The following PEX14 variants were observed in gnomAD, a reference collection of about 807,000 sequenced individuals.
PEX14 encodes peroxisomal biogenesis factor 14.
In PEX14, 15 loss-of-function variants were observed where a neutral mutation model predicts 49.5. The observed-to-expected ratio is 0.30, with a 90% CI of 0.20 to 0.47. PEX14 has a LOEUF of 0.47. PEX14 is among the 20% of genes least tolerant of loss of function. The probability of loss-of-function intolerance (pLI) is 1.00; values close to 1 mark genes in which losing one functional copy is unlikely to be tolerated. For missense variants in PEX14, 398 were observed against 494.8 expected (o/e 0.80, Z 1.86); for synonymous variants, 210 against 212.7 (o/e 0.99, Z 0.11).
At chr1:10,517,482 G>C (rs927322684) in intron 2 of PEX14, among the ~76,000 whole-genome samples, 3 of 151,990 alleles carry the variant, frequency 2.0e-5, no homozygotes, top group Admixed American at 2.0e-4. Flanking sequence ...TGTAATTATA[G>C]GTGCTAGAAA....
chr1:10,610,808 A>G (rs900638048), intron 4 of PEX14, among the ~76,000 whole-genome samples: 6 of 152,026 alleles, frequency 3.9e-5, no homozygotes, highest in East Asian at 3.9e-4. Flanking sequence ...TTAAATGGGT[A>G]TATTTTAGAC....
intron 1 of PEX14, among the ~76,000 whole-genome samples, chr1:10,485,494 A>C (rs1274248097): frequency 6.7e-6 from 1 of 149,968 alleles, no homozygotes; most frequent in Admixed American, 6.6e-5. Context: ...TATTTTTTGA[A>C]TTTTTGTAGC....
chr1:10,500,732 G>A (rs995082582), intron 2 of PEX14, among the ~76,000 whole-genome samples: 4 of 152,064 alleles, frequency 2.6e-5, no homozygotes, highest in Admixed American at 6.5e-5. Flanking sequence ...GCACCACCAC[G>A]GCCAGCTAAT....
At chr1:10,599,518 C>CACATTGT in intron 4 of PEX14, 152 bp downstream of exon 4, 1 of 859,246 alleles carries the variant, frequency 1.2e-6, no homozygotes, top group Non-Finnish European at 2.0e-6. Flanking sequence ...TGTGACACAC[C>CACATTGT]CCAGTCTTCT....
intron 3 of PEX14, among the ~76,000 whole-genome samples, chr1:10,585,987 A>G (rs1486370287): frequency 1.3e-5 from 2 of 152,254 alleles, no homozygotes; most frequent in Non-Finnish European, 2.9e-5. Context: ...CAAAATAGTT[A>G]CACACCTAAC....
At chr1:10,598,879 C>T (rs921277223) in intron 3 of PEX14, among the ~76,000 whole-genome samples, 3 of 131,686 alleles carry the variant, frequency 2.3e-5, no homozygotes, top group South Asian at 2.8e-4. Context: ...TTTTTCCCCT[C>T]TTTTTTTTTT....
Position 10,573,476 on chromosome 1 carries a change from C to T in PEX14, c.170-25762C>T, listed in dbSNP as rs140400381. Among the ~76,000 whole-genome samples the T allele has an allele frequency of 1.1e-3, 175 of 152,174 alleles. 1 individual carries two copies. The highest frequency in any genetic ancestry group is 4.0e-3 in the African/African-American group (166 of 41,518). On this transcript the variant is annotated intron_variant, in intron 3 of 8. Transcript: ENST00000356607. The stretch of plus-strand genomic sequence containing the variant: ...ACTTTATTAAGGAGCATTTCCAGAG[C>T]GTTAATAATCATATAAAAAGATGCC...
chr1:10,618,194 T>C (rs1210363688), intron 4 of PEX14, 138 bp from the exon 5 acceptor site: 2 of 684,344 alleles, frequency 2.9e-6, no homozygotes, highest in Non-Finnish European at 5.3e-6. Flanking sequence ...GATCATGTGC[T>C]GCCTTCCTGC....
At chr1:10,500,373 CAAAA>C (rs750781683) in intron 2 of PEX14, among the ~76,000 whole-genome samples, 2,000 of 43,472 alleles carry the variant, frequency 0.046, 24 homozygotes, top group African/African-American at 0.18. Flanking sequence ...GATTCTGTCT[CAAAA>C]AAAAAAAAAA....
rs1641522518 is a variant in PEX14 at position 10,494,488 on chromosome 1, G to T, written c.37-786G>T. ...AGATTTGTAAATTTCTTCAGAATCT[G>T]TCTCTACCTCTGCCTCTCCCTTTCT... On this transcript the variant is annotated intron_variant, in intron 1 of 8. Transcript: ENST00000356607. The surrounding 1 kb of genome is among the most constrained non-coding windows in gnomAD (Gnocchi z 4.3). 6.6e-6 allele frequency among the ~76,000 whole-genome samples: 1 copy of T among 152,208 alleles called. No individual in the cohort carries two copies. The highest frequency in any genetic ancestry group is 2.1e-4 in the South Asian group (1 of 4,838).
At chr1:10,536,431 G>A (rs925859437) in intron 3 of PEX14, 134 bp downstream of exon 3, 22 of 711,114 alleles carry the variant, frequency 3.1e-5, no homozygotes, top group Middle Eastern at 3.6e-4. Flanking sequence ...CAGTGGGGCT[G>A]AGGCGAACCC....
rs1459407738 is a variant in PEX14, at chr1:10,628,343, G to T, written c.677+980G>T. Among the ~76,000 whole-genome samples, 2 of 152,258 alleles carry T rather than the reference G, an allele frequency of 1.3e-5. No individual in the cohort carries two copies. The highest frequency in any genetic ancestry group is 2.1e-4 in the South Asian group (1 of 4,836). The stretch of plus-strand genomic sequence containing the variant: ...GATGCCCTAGTGGGCCTTGCATGGG[G>T]TGTCCTTGTTTCCCTGCTGGGCTGG... On this transcript the variant is annotated intron_variant, in intron 8 of 8. Transcript: ENST00000356607. The surrounding 1 kb of genome is among the most constrained non-coding windows in gnomAD (Gnocchi z 4.5).
At chr1:10,501,775 A>G (rs1641685365) in intron 2 of PEX14, among the ~76,000 whole-genome samples, 1 of 152,152 alleles carries the variant, frequency 6.6e-6, no homozygotes, top group Non-Finnish European at 1.5e-5. Flanking sequence ...AAATTTAGCC[A>G]GATGTGGTGG....
rs552331154 is a variant in PEX14, at chr1:10,628,709, C to T, written c.678-822C>T. Among the ~76,000 whole-genome samples, 8 of 152,194 alleles carry T rather than the reference C, an allele frequency of 5.3e-5. No individual in the cohort carries two copies. Among genetic ancestry groups the T allele is most frequent in the Non-Finnish European group, 1.0e-4 (7 of 68,040 alleles). On this transcript the variant is annotated intron_variant, in intron 8 of 8. Transcript: ENST00000356607. This position sits in a 1 kb window ranked among gnomAD's most constrained non-coding sequence, Gnocchi z 4.5. ...TAGGATGCTGGTGAATAAAGCAGGC[C>T]GTGGTGTGTGCCCCACTCAAGTGGG...
At chr1:10,485,940 T>C (rs1027401945) in intron 1 of PEX14, among the ~76,000 whole-genome samples, 2 of 152,042 alleles carry the variant, frequency 1.3e-5, no homozygotes, top group Non-Finnish European at 2.9e-5. Flanking sequence ...GTATTTTTAG[T>C]AGAGACGGGG....
chr1:10,583,603 A>C (rs1483759534), intron 3 of PEX14, among the ~76,000 whole-genome samples: 1 of 151,948 alleles, frequency 6.6e-6, no homozygotes, highest in Non-Finnish European at 1.5e-5. Flanking sequence ...CAGTGAATAA[A>C]ATAACCCCAA....
At chr1:10,533,598 C>T (rs536759498) in intron 2 of PEX14, among the ~76,000 whole-genome samples, 1 of 152,174 alleles carries the variant, frequency 6.6e-6, no homozygotes, top group African/African-American at 2.4e-5. Context: ...TTACTAATGA[C>T]AGAGCACTCC....
intron 5 of PEX14, 28 bp downstream of exon 5, chr1:10,618,445 C>T: frequency 1.3e-6 from 2 of 1,537,450 alleles, no homozygotes; most frequent in Non-Finnish European, 1.8e-6. Flanking sequence ...GCTGCAGGTG[C>T]TGTGCCCCTG....
chr1:10,482,472 G>A (rs1242898924), intron 1 of PEX14, among the ~76,000 whole-genome samples: 3 of 133,290 alleles, frequency 2.3e-5, no homozygotes, highest in African/African-American at 8.6e-5. Flanking sequence ...GTCTCGCTCT[G>A]TCACCGGCTG....
Sources: gnomAD v4.1 joint callset for allele counts (sites outside exome capture counted in the v4.1 genomes callset) on GRCh38, gnomAD v4.1.1 for gene constraint, Gnocchi (gnomAD v3.1) non-coding constraint, MANE v1.5 for transcripts, NCBI Gene and HGNC (gene_info 2026-07-23, HGNC 2026-07-21) for gene names.